KIAA0825: variants seen among roughly 807,000 people sequenced by gnomAD.
KIAA0825 encodes the protein uncharacterized protein KIAA0825.
KIAA0825 carries 119 observed loss-of-function variants against 147.6 expected under a neutral mutation model. The observed-to-expected ratio is 0.81, with a 90% CI of 0.69 to 0.94. The LOEUF is 0.94. Ranked by LOEUF, KIAA0825 falls within the 40% of genes least tolerant of loss-of-function variation. KIAA0825 has a pLI of 0.00. For synonymous variants in KIAA0825, 470 were observed against 518.1 expected, an observed-to-expected ratio of 0.91 and a Z score of 1.26; for missense variants, 1,381 against 1,472.7, an observed-to-expected ratio of 0.94 and a Z score of 1.02.
At chr5:94,376,131 T>A (rs1343800653) in intron 20 of KIAA0825, among the ~76,000 whole-genome samples, 1 of 152,198 alleles carries the variant, frequency 6.6e-6, no homozygotes, top group East Asian at 1.9e-4. Context: ...TAAATATGTG[T>A]ATATAAATCA....
intron 2 of KIAA0825, among the ~76,000 whole-genome samples, chr5:94,547,664 G>A (rs1448279931): frequency 6.7e-6 from 1 of 149,878 alleles, no homozygotes; most frequent in Non-Finnish European, 1.5e-5. Context: ...TTGAACCCGG[G>A]AGGCGGAGGT....
At chr5:94,198,992 T>C (rs1360299669) in intron 20 of KIAA0825, among the ~76,000 whole-genome samples, 2 of 152,228 alleles carry the variant, frequency 1.3e-5, no homozygotes, top group Non-Finnish European at 2.9e-5. Context: ...AAACTTCTCC[T>C]GTATCTTTTT....
intron 5 of KIAA0825, among the ~76,000 whole-genome samples, chr5:94,518,980 T>C (rs1415072132): frequency 6.6e-6 from 1 of 152,048 alleles, no homozygotes; most frequent in East Asian, 1.9e-4. Context: ...ATAAAAATTT[T>C]AGAAAATAAG....
At chr5:94,190,334 T>G (rs1770556623) in intron 20 of KIAA0825, among the ~76,000 whole-genome samples, 1 of 152,120 alleles carries the variant, frequency 6.6e-6, no homozygotes, top group South Asian at 2.1e-4. Context: ...TTTGTTTGTT[T>G]GTTTGTTTTG....
chr5:94,215,681 C>T (rs974116179), intron 20 of KIAA0825, among the ~76,000 whole-genome samples: 1 of 152,056 alleles, frequency 6.6e-6, no homozygotes, highest in Admixed American at 6.6e-5. Context: ...AACTTGGCCT[C>T]GCTGGGACTT....
At chr5:94,537,205 TC>T in intron 2 of KIAA0825, 78 bp from the exon 3 acceptor site, 1 of 1,184,248 alleles carries the variant, frequency 8.4e-7, no homozygotes, top group Non-Finnish European at 1.2e-6. Flanking sequence ...GAAATTCACC[TC>T]AAGTTGTGAT....
At chr5:94,444,502 C>T (rs1332302742) in intron 13 of KIAA0825, among the ~76,000 whole-genome samples, 1 of 151,680 alleles carries the variant, frequency 6.6e-6, no homozygotes, top group Non-Finnish European at 1.5e-5. Context: ...CTTCAGTAAC[C>T]AAGTCTGATA....
chr5:94,567,007 C>T (rs1253372539), intron 2 of KIAA0825, among the ~76,000 whole-genome samples: 1 of 152,076 alleles, frequency 6.6e-6, no homozygotes, highest in African/African-American at 2.4e-5. Context: ...TGCTGCAAAA[C>T]CATAACCTTT....
chr5:94,400,801 T>A (rs950240143), intron 16 of KIAA0825, among the ~76,000 whole-genome samples: 4 of 152,206 alleles, frequency 2.6e-5, no homozygotes, highest in African/African-American at 9.6e-5. Flanking sequence ...TAATCTTTAT[T>A]GTAATATTTA....
intron 20 of KIAA0825, among the ~76,000 whole-genome samples, chr5:94,232,676 A>G (rs1774792441): frequency 6.6e-6 from 1 of 152,110 alleles, no homozygotes; most frequent in East Asian, 1.9e-4. Context: ...TTTGTAATTG[A>G]TATTTTTATC....
At chr5:94,203,809 T>A (rs1055816814) in intron 20 of KIAA0825, among the ~76,000 whole-genome samples, 2 of 152,156 alleles carry the variant, frequency 1.3e-5, no homozygotes, top group African/African-American at 4.8e-5. Flanking sequence ...ATTCCTTCCA[T>A]CATCCTCTCT....
chr5:94,373,606 A>T (rs897205116), intron 20 of KIAA0825, among the ~76,000 whole-genome samples: 1 of 152,136 alleles, frequency 6.6e-6, no homozygotes. Context: ...ATCAGATCTC[A>T]TAAGAACTTA....
At chr5:94,382,403 C>T (rs903738532) in intron 20 of KIAA0825, among the ~76,000 whole-genome samples, 1 of 152,160 alleles carries the variant, frequency 6.6e-6, no homozygotes, top group Admixed American at 6.5e-5. Flanking sequence ...AATTTCCTTA[C>T]CGGTTCAATA....
At chr5:94,390,718 T>C (rs1173920945) in intron 18 of KIAA0825, among the ~76,000 whole-genome samples, 1 of 152,250 alleles carries the variant, frequency 6.6e-6, no homozygotes, top group Non-Finnish European at 1.5e-5. Flanking sequence ...AGTTGTAAAA[T>C]GCTGTTGTCA....
intron 20 of KIAA0825, among the ~76,000 whole-genome samples, chr5:94,378,221 C>G (rs1747861691): frequency 1.3e-5 from 2 of 152,148 alleles, no homozygotes; most frequent in African/African-American, 4.8e-5. Flanking sequence ...ATAAGCATAG[C>G]ACCTGACAGG....
At chr5:94,493,626 C>T (rs1763985167) in intron 5 of KIAA0825, among the ~76,000 whole-genome samples, 1 of 152,102 alleles carries the variant, frequency 6.6e-6, no homozygotes, top group African/African-American at 2.4e-5. Context: ...GTGTCTGGGA[C>T]TACAGGCATC....
intron 20 of KIAA0825, among the ~76,000 whole-genome samples, chr5:94,166,163 TAAAAC>T (rs984536058): frequency 6.6e-6 from 1 of 151,632 alleles, no homozygotes; most frequent in African/African-American, 2.4e-5. Flanking sequence ...AAAAACAAAA[TAAAAC>T]AAAACGAAAC....
At chr5:94,289,604 A>G (rs1352946196) in intron 20 of KIAA0825, among the ~76,000 whole-genome samples, 1 of 151,948 alleles carries the variant, frequency 6.6e-6, no homozygotes, top group Non-Finnish European at 1.5e-5. Flanking sequence ...AAGAACAACC[A>G]TTGTTCTAAA....
chr5:94,303,950 G>A (rs764272667), intron 20 of KIAA0825, among the ~76,000 whole-genome samples: 182 of 151,990 alleles, frequency 1.2e-3, no homozygotes, highest in Non-Finnish European at 1.0e-3. Flanking sequence ...TTGATTTCTC[G>A]CCTCATTTTT....
Sources: allele counts gnomAD v4.1 joint callset (sites outside exome capture counted in the v4.1 genomes callset), GRCh38; gene constraint gnomAD v4.1.1; transcripts MANE v1.5; gene names NCBI Gene and HGNC (gene_info 2026-07-23, HGNC 2026-07-21).